SYT10: variants seen among roughly 807,000 people sequenced by gnomAD.
SYT10 encodes the protein synaptotagmin-10.
SYT10 carries 31 observed loss-of-function variants against 51.1 expected under a neutral mutation model. The ratio of observed to expected loss-of-function variants is 0.61; its 90% confidence interval spans 0.46 to 0.82. The LOEUF (loss-of-function observed/expected upper bound fraction) is 0.82, where lower values mean the gene tolerates loss of function less well. Among genes scored for constraint, SYT10 ranks in the 40% least tolerant of loss-of-function variants. SYT10 has a pLI of 0.00. For missense variants in SYT10, 603 were observed against 634.0 expected, an observed-to-expected ratio of 0.95 and a Z score of 0.53; for synonymous variants, 233 against 225.9, an observed-to-expected ratio of 1.03 and a Z score of -0.28.
At chr12:33,394,788 C>A (rs1160658463) in intron 3 of SYT10, among the ~76,000 whole-genome samples, 1 of 152,132 alleles carries the variant, frequency 6.6e-6, no homozygotes, top group East Asian at 1.9e-4. Flanking sequence ...TGTGGCTTTA[C>A]CTAATAGAAA....
At chr12:33,436,450 C>T (rs1309380213) in intron 1 of SYT10, among the ~76,000 whole-genome samples, 6 of 152,052 alleles carry the variant, frequency 3.9e-5, no homozygotes, top group East Asian at 1.9e-4. Flanking sequence ...ATAATGACTC[C>T]GATAAACTAC....
At chr12:33,399,956 G>A (rs1389929456) in intron 3 of SYT10, among the ~76,000 whole-genome samples, 1 of 152,122 alleles carries the variant, frequency 6.6e-6, no homozygotes, top group African/African-American at 2.4e-5. Flanking sequence ...AGAAAACTAG[G>A]AATGTTCATA....
At position 33,439,373 on chromosome 12, in the gene SYT10, T is replaced by G. The variant is rs1177161920; in HGVS notation, c.150A>C (p.Thr50=). The change falls in exon 1 of 7, where the codon ACA becomes ACC. Residue 50 remains threonine, a splice_region_variant and synonymous_variant. Transcript: ENST00000228567. ...CGCGAGCGGAGCCCTCCCGGTTACC[T>G]GTGCTGCTTCCGCCCTGGCTGCCCC... ...RDRGSQGGSS[T]DISVSLLAVV... The G allele has an allele frequency of 1.2e-6, 2 of 1,612,608 alleles. No individual in the cohort carries two copies. Among genetic ancestry groups the G allele is most frequent in the South Asian group, 1.1e-5 (1 of 90,928 alleles).
intron 3 of SYT10, among the ~76,000 whole-genome samples, chr12:33,399,898 C>T (rs560161152): frequency 2.0e-5 from 3 of 152,210 alleles, no homozygotes; most frequent in East Asian, 1.9e-4. Context: ...CATAAGCAGA[C>T]GTGTAATCTG....
At chr12:33,427,366 A>G (rs1415833810) in intron 1 of SYT10, among the ~76,000 whole-genome samples, 1 of 152,150 alleles carries the variant, frequency 6.6e-6, no homozygotes, top group African/African-American at 2.4e-5. Context: ...TTGACCCTGT[A>G]CATTTTACAA....
intron 4 of SYT10, 122 bp downstream of exon 4, chr12:33,385,049 T>C: frequency 1.6e-6 from 2 of 1,220,344 alleles, no homozygotes; most frequent in South Asian, 3.4e-5. Flanking sequence ...TTGTAATCTT[T>C]TTTTTTCTTT....
At chr12:33,430,839 T>C (rs1270791267) in intron 1 of SYT10, among the ~76,000 whole-genome samples, 1 of 152,108 alleles carries the variant, frequency 6.6e-6, no homozygotes, top group African/African-American at 2.4e-5. Context: ...AAAGATGAAA[T>C]TTTGGGATTA....
intron 2 of SYT10, among the ~76,000 whole-genome samples, chr12:33,415,154 C>T (rs1401911941): frequency 6.6e-6 from 1 of 152,146 alleles, no homozygotes; most frequent in Non-Finnish European, 1.5e-5. Context: ...GTAGTGAGGG[C>T]AAATTTAGGC....
chr12:33,390,993 C>A (rs6488158), intron 3 of SYT10, among the ~76,000 whole-genome samples: 1 of 151,956 alleles, frequency 6.6e-6, no homozygotes, highest in African/African-American at 2.4e-5. Flanking sequence ...GGCTGGAGTG[C>A]GGGCAAGATC....
chr12:33,434,075 T>C (rs1343210138), intron 1 of SYT10, among the ~76,000 whole-genome samples: 2 of 152,190 alleles, frequency 1.3e-5, no homozygotes, highest in Admixed American at 6.5e-5. Context: ...TGCCACTTTC[T>C]ACTTAGCACA....
chr12:33,428,982 C>G (rs1237528584), intron 1 of SYT10, among the ~76,000 whole-genome samples: 3 of 151,034 alleles, frequency 2.0e-5, no homozygotes, highest in Non-Finnish European at 4.4e-5. Flanking sequence ...GGAAATTATA[C>G]CTAGGGAAGG....
chr12:33,409,518 CTTTTT>C (rs60672554), intron 2 of SYT10, among the ~76,000 whole-genome samples: 1 of 140,288 alleles, frequency 7.1e-6, no homozygotes, highest in Non-Finnish European at 1.6e-5. Flanking sequence ...GATTTCTTTT[CTTTTT>C]TTTTTTTTGA....
intron 2 of SYT10, among the ~76,000 whole-genome samples, chr12:33,415,892 A>T (rs1866448803): frequency 6.6e-6 from 1 of 152,176 alleles, no homozygotes; most frequent in African/African-American, 2.4e-5. Context: ...TGACCTCTAT[A>T]TCCTTAATCC....
At chr12:33,377,478 T>C (rs1218436208) in intron 6 of SYT10, among the ~76,000 whole-genome samples, 4 of 152,120 alleles carry the variant, frequency 2.6e-5, no homozygotes, top group African/African-American at 9.7e-5. Context: ...AGGCAGTTAA[T>C]GAGATGAGAA....
intron 1 of SYT10, among the ~76,000 whole-genome samples, chr12:33,438,417 GGGAT>G (rs1866655493): frequency 6.6e-6 from 1 of 152,134 alleles, no homozygotes; most frequent in South Asian, 2.1e-4. Context: ...CCGCAACTCG[GGGAT>G]CCACCTCGCG....
At chr12:33,403,711 T>G (rs1044619868) in intron 3 of SYT10, among the ~76,000 whole-genome samples, 2 of 152,204 alleles carry the variant, frequency 1.3e-5, no homozygotes, top group African/African-American at 4.8e-5. Context: ...GACTCAATAA[T>G]TTCTGCATGA....
At chr12:33,420,374 C>G (rs1866491777) in intron 2 of SYT10, among the ~76,000 whole-genome samples, 1 of 152,008 alleles carries the variant, frequency 6.6e-6, no homozygotes, top group Non-Finnish European at 1.5e-5. Flanking sequence ...ATCAAACTTC[C>G]CAAGCATTTA....
chr12:33,439,261 C>A (rs1453514596), intron 1 of SYT10, 111 bp downstream of exon 1: 1 of 1,379,986 alleles, frequency 7.2e-7, no homozygotes, highest in Non-Finnish European at 9.8e-7. Context: ...AAGCGTGGCG[C>A]CCCAAATATG....
intron 2 of SYT10, among the ~76,000 whole-genome samples, chr12:33,421,527 T>C (rs10844592): frequency 0.13 from 20,252 of 152,098 alleles, 1,576 homozygotes; most frequent in African/African-American, 0.19. Context: ...CAGTGTTATC[T>C]CACCACTCAT....
Sources: allele counts gnomAD v4.1 joint callset (sites outside exome capture counted in the v4.1 genomes callset), GRCh38; gene constraint gnomAD v4.1.1; transcripts MANE v1.5; gene names NCBI Gene and HGNC (gene_info 2026-07-23, HGNC 2026-07-21).